Variants in PPP1R9A observed in about 807,000 individuals in gnomAD.
PPP1R9A encodes neurabin-1.
Under a neutral mutation model 141.9 loss-of-function variants are expected in PPP1R9A, and 59 were observed. The observed-to-expected ratio is 0.42, with a 90% CI of 0.34 to 0.52. The LOEUF is 0.52. Ranked by LOEUF, PPP1R9A falls within the 20% of genes least tolerant of loss-of-function variation. The pLI, the probability that PPP1R9A is intolerant of heterozygous loss-of-function variation, is 0.10. For synonymous variants in PPP1R9A, 500 were observed against 569.7 expected, an observed-to-expected ratio of 0.88 and a Z score of 1.74; for missense variants, 1,444 against 1,611.9, an observed-to-expected ratio of 0.90 and a Z score of 1.78.
intron 2 of PPP1R9A, among the ~76,000 whole-genome samples, chr7:94,949,668 C>G (rs1292601664): frequency 2.6e-5 from 4 of 152,038 alleles, no homozygotes; most frequent in Non-Finnish European, 4.4e-5. Flanking sequence ...ACAGGACACA[C>G]AGCTCTGGAA....
At chr7:94,961,121 T>C (rs1048039013) in intron 2 of PPP1R9A, among the ~76,000 whole-genome samples, 7 of 151,636 alleles carry the variant, frequency 4.6e-5, no homozygotes, top group African/African-American at 1.7e-4. Flanking sequence ...GTAAATTCAC[T>C]AACTTCCTGA....
intron 2 of PPP1R9A, among the ~76,000 whole-genome samples, chr7:94,969,262 T>C (rs1158929106): frequency 6.6e-6 from 1 of 152,148 alleles, no homozygotes; most frequent in Non-Finnish European, 1.5e-5. Flanking sequence ...TTTGTGCTGG[T>C]TTTTCCTCAT....
intron 2 of PPP1R9A, among the ~76,000 whole-genome samples, chr7:94,916,002 G>C (rs1562987087): frequency 6.6e-6 from 1 of 152,100 alleles, no homozygotes; most frequent in Non-Finnish European, 1.5e-5. Context: ...ACTGCTTTTT[G>C]TCTATAAGTA....
intron 5 of PPP1R9A, among the ~76,000 whole-genome samples, chr7:95,171,228 A>C (rs995923262): frequency 2.0e-5 from 3 of 151,588 alleles, no homozygotes; most frequent in African/African-American, 4.8e-5. Context: ...TTTAAACCCA[A>C]ACTTATCAGG....
chr7:95,108,512 G>C (rs1256965336), intron 2 of PPP1R9A, among the ~76,000 whole-genome samples: 1 of 151,370 alleles, frequency 6.6e-6, no homozygotes, highest in East Asian at 1.9e-4. Context: ...GGGTTTCACC[G>C]TGTTAGCGAG....
chr7:95,210,706 A>G (rs1276140985), intron 7 of PPP1R9A, among the ~76,000 whole-genome samples: 2 of 152,196 alleles, frequency 1.3e-5, no homozygotes, highest in Non-Finnish European at 2.9e-5. Context: ...ACGTATGTTT[A>G]TTGCAGCACT....
At chr7:95,017,674 T>C (rs1233661005) in intron 2 of PPP1R9A, among the ~76,000 whole-genome samples, 2 of 152,176 alleles carry the variant, frequency 1.3e-5, no homozygotes, top group East Asian at 3.9e-4. Context: ...AAAAAGAAGG[T>C]TGGAGGACTT....
intron 2 of PPP1R9A, among the ~76,000 whole-genome samples, chr7:94,967,375 T>A (rs184585512): frequency 6.6e-5 from 10 of 152,152 alleles, no homozygotes; most frequent in Non-Finnish European, 1.5e-5. Context: ...ATTTGTTTGC[T>A]CTTGCTTCTC....
intron 12 of PPP1R9A, among the ~76,000 whole-genome samples, chr7:95,265,566 C>T (rs930063514): frequency 2.6e-5 from 4 of 152,228 alleles, no homozygotes; most frequent in African/African-American, 9.6e-5. Flanking sequence ...CACGTGTCCT[C>T]TAATACTGTT....
chr7:95,263,145 C>T (rs1800693107), intron 12 of PPP1R9A, among the ~76,000 whole-genome samples: 1 of 152,098 alleles, frequency 6.6e-6, no homozygotes. Context: ...TGTGGAGATA[C>T]TGAGTCCTAG....
intron 4 of PPP1R9A, among the ~76,000 whole-genome samples, chr7:95,158,973 T>TA (rs781114966): frequency 1.4e-4 from 22 of 152,350 alleles, no homozygotes; most frequent in Non-Finnish European, 3.2e-4. Context: ...GGAGATTTGT[T>TA]AATGTCTAAT....
intron 5 of PPP1R9A, among the ~76,000 whole-genome samples, chr7:95,164,715 T>A (rs1563340500): frequency 6.7e-6 from 1 of 150,188 alleles, no homozygotes; most frequent in African/African-American, 2.4e-5. Flanking sequence ...TCTTCCAGAT[T>A]ACCATGGTTT....
intron 7 of PPP1R9A, among the ~76,000 whole-genome samples, chr7:95,213,850 C>T (rs1192257473): frequency 2.6e-5 from 4 of 152,136 alleles, no homozygotes; most frequent in African/African-American, 9.7e-5. Flanking sequence ...CAGGCTGCAC[C>T]TTCACCACTG....
At chr7:95,168,914 G>A (rs1831682787) in intron 5 of PPP1R9A, among the ~76,000 whole-genome samples, 1 of 152,010 alleles carries the variant, frequency 6.6e-6, no homozygotes, top group Admixed American at 6.6e-5. Context: ...GGAGAAAAAG[G>A]AACTCTTACA....
intron 2 of PPP1R9A, among the ~76,000 whole-genome samples, chr7:95,109,900 T>A (rs1820248352): frequency 6.6e-6 from 1 of 151,642 alleles, no homozygotes; most frequent in Admixed American, 6.6e-5. Flanking sequence ...ATGCTAATAT[T>A]TATGAATATT....
At chr7:94,995,713 T>G (rs1461567596) in intron 2 of PPP1R9A, among the ~76,000 whole-genome samples, 1 of 152,138 alleles carries the variant, frequency 6.6e-6, no homozygotes, top group African/African-American at 2.4e-5. Context: ...GTTATAATGA[T>G]GGTTTTATGT....
chr7:95,170,587 T>C (rs1831954034), intron 5 of PPP1R9A, among the ~76,000 whole-genome samples: 1 of 151,502 alleles, frequency 6.6e-6, no homozygotes, highest in Non-Finnish European at 1.5e-5. Flanking sequence ...TGAATAATAA[T>C]TTAAAAGTTT....
chr7:95,054,240 C>G (rs1014706895), intron 2 of PPP1R9A, among the ~76,000 whole-genome samples: 1 of 151,344 alleles, frequency 6.6e-6, no homozygotes, highest in Non-Finnish European at 1.5e-5. Context: ...CTTGGCCTCC[C>G]GAGTAGCTGA....
In PPP1R9A at chr7:95,290,584, G is replaced by C. The variant is rs541435533; in HGVS notation, c.*281G>C. ...CTTCTCTAACTTACCAACATCTTGT[G>C]TTGTGTTGGGTGTGTTTTGTCACTT... On this transcript the variant is annotated 3_prime_UTR_variant, in exon 20 of 20. Coordinates refer to ENST00000433360, the MANE Select transcript of PPP1R9A (RefSeq NM_001166160.2). 11 of 363,426 alleles carry C rather than the reference G, an allele frequency of 3.0e-5. No individual in the cohort carries two copies. The highest frequency in any genetic ancestry group is 5.1e-5 in the Non-Finnish European group (10 of 194,822). The allele number at this position is 363,426 out of a possible 1,614,324, so 22.5% of individuals were successfully genotyped here.
Sources: gnomAD v4.1 joint callset for allele counts (sites outside exome capture counted in the v4.1 genomes callset) on GRCh38, gnomAD v4.1.1 for gene constraint, MANE v1.5 for transcripts, NCBI Gene and HGNC (gene_info 2026-07-23, HGNC 2026-07-21) for gene names.